TBC1D14: variants seen among roughly 807,000 people sequenced by gnomAD.
TBC1D14 encodes the protein TBC1 domain family member 14, also known as TBC1 domain family, member 14.
Under a neutral mutation model 79.0 loss-of-function variants are expected in TBC1D14, and 26 were observed. The observed-to-expected ratio is 0.33, with a 90% CI of 0.24 to 0.46. The LOEUF is 0.46. Ranked by LOEUF, TBC1D14 falls within the 20% of genes least tolerant of loss-of-function variation. TBC1D14 has a pLI of 1.00. For synonymous variants in TBC1D14, 394 were observed against 349.9 expected (o/e 1.13, Z -1.40); for missense variants, 769 against 887.6 (o/e 0.87, Z 1.70).
chr4:6,926,728 A>G lies in TBC1D14; in HGVS notation c.722+2617A>G, dbSNP rs549145326. On this transcript the variant is annotated intron_variant, in intron 2 of 13. Transcript: ENST00000409757. ...TGTGCCAGAATCTTTAGAGCTCACT[A>G]AACATTTTACAGGTGAGTAAATGGA... is the stretch of plus-strand genomic sequence containing the variant. Among the ~76,000 whole-genome samples, 3 of 152,342 alleles carry G rather than the reference A, an allele frequency of 2.0e-5. No individual in the cohort carries two copies. In the East Asian group the frequency reaches 5.8e-4, roughly 29 times the overall value.
intron 12 of TBC1D14, among the ~76,000 whole-genome samples, chr4:7,018,732 G>A (rs1472646018): frequency 6.6e-6 from 1 of 152,252 alleles, no homozygotes; most frequent in Admixed American, 6.5e-5. Context: ...TGAGGCATGT[G>A]GATCAGAGCA....
In TBC1D14 at chr4:6,999,192, T is replaced by C; in HGVS notation, c.1153T>C (p.Trp385Arg). ...LTWNNEILPN[W>R]ETMWCSRKVR... ...CTGGAATAATGAGATCTTACCTAAC[T>C]GGGAAACAATGTAAGATGTGGCTCT... is the stretch of plus-strand genomic sequence containing the variant. Residue 385 changes from tryptophan (W) to arginine (R), a missense_variant, in exon 6 of 14, where the codon TGG becomes CGG. Physicochemically the swap from Trp to Arg is moderately radical, Grantham distance 101. This residue lies in a region of TBC1D14 where 367 missense variants were observed against 494.4 expected (regional missense o/e 0.74). Transcript: ENST00000409757. The C allele has an allele frequency of 6.2e-7, 1 of 1,613,604 alleles. No homozygotes were observed. The highest frequency in any genetic ancestry group is 8.5e-7 in the Non-Finnish European group (1 of 1,179,578).
chr4:6,939,217 G>T (rs1488520854), intron 2 of TBC1D14, among the ~76,000 whole-genome samples: 1 of 152,160 alleles, frequency 6.6e-6, no homozygotes, highest in Non-Finnish European at 1.5e-5. Flanking sequence ...GAACCTTCTG[G>T]AATCAGCAGT....
chr4:6,977,731 GC>G, intron 3 of TBC1D14, among the ~76,000 whole-genome samples: 1 of 62,638 alleles, frequency 1.6e-5, no homozygotes, highest in Non-Finnish European at 3.6e-5. Context: ...TCTCTGCCAG[GC>G]CGCCATCCCA....
At position 7,031,443 on chromosome 4, in the gene TBC1D14, C is replaced by A. The variant is rs756808966; in HGVS notation, c.*1051C>A. 6.6e-6 allele frequency: 1 copy of A among 152,256 alleles called. No homozygotes were observed. The highest frequency in any genetic ancestry group is 6.5e-5 in the Admixed American group (1 of 15,288). 9.4% of individuals were successfully genotyped at this position (152,256 alleles called of 1,614,324 possible). A position where few individuals can be genotyped will look rare whatever the true frequency, so the allele number is the denominator to read the frequency against. On this transcript the variant is annotated 3_prime_UTR_variant, in exon 14 of 14. Coordinates refer to ENST00000409757, the MANE Select transcript of TBC1D14 (RefSeq NM_020773.3). ...AGACGGAGGAGCGAGCAACACACGT[C>A]TAACAGCCTAGACAATCTCGTCAGA...
chr4:6,938,126 A>T (rs1577061142), intron 2 of TBC1D14, among the ~76,000 whole-genome samples: 1 of 152,142 alleles, frequency 6.6e-6, no homozygotes, highest in African/African-American at 2.4e-5. Context: ...TTGCCGAGAC[A>T]CAGCTTCTTC....
intron 3 of TBC1D14, among the ~76,000 whole-genome samples, chr4:6,973,527 A>G (rs1716441377): frequency 6.6e-6 from 1 of 152,222 alleles, no homozygotes; most frequent in Non-Finnish European, 1.5e-5. Context: ...ATGAATGCAG[A>G]TATAAAACCT....
chr4:7,000,022 C>A (rs889339636), intron 6 of TBC1D14, among the ~76,000 whole-genome samples: 30 of 152,178 alleles, frequency 2.0e-4, no homozygotes, highest in African/African-American at 7.2e-4. Context: ...CTTCTGCTCT[C>A]GTCCCACATG....
intron 5 of TBC1D14, among the ~76,000 whole-genome samples, chr4:6,998,607 C>T (rs927422273): frequency 2.6e-5 from 4 of 151,504 alleles, no homozygotes; most frequent in Admixed American, 1.3e-4. Context: ...GGTGCTATCT[C>T]GGCTCACTGC....
intron 11 of TBC1D14, among the ~76,000 whole-genome samples, chr4:7,013,057 A>G (rs1249998398): frequency 6.6e-6 from 1 of 152,228 alleles, no homozygotes; most frequent in African/African-American, 2.4e-5. Context: ...CTCTTTGGAA[A>G]TGTGGTAGAA....
intron 3 of TBC1D14, among the ~76,000 whole-genome samples, chr4:6,991,556 C>A (rs1452031442): frequency 6.6e-6 from 1 of 152,218 alleles, no homozygotes; most frequent in Non-Finnish European, 1.5e-5. Flanking sequence ...AGGTAGCCTG[C>A]ATCCCTGCTT....
At chr4:6,993,109 A>C (rs1413768374) in intron 3 of TBC1D14, among the ~76,000 whole-genome samples, 2 of 152,240 alleles carry the variant, frequency 1.3e-5, no homozygotes, top group African/African-American at 4.8e-5. Context: ...GTTTCCCTGA[A>C]ATTCATTTAG....
At chr4:6,911,620 C>A (rs1366085177) in intron 1 of TBC1D14, among the ~76,000 whole-genome samples, 1 of 152,242 alleles carries the variant, frequency 6.6e-6, no homozygotes, top group Non-Finnish European at 1.5e-5. Flanking sequence ...TCCGCTGTCT[C>A]CACCCCACTC....
intron 9 of TBC1D14, among the ~76,000 whole-genome samples, chr4:7,008,324 A>T (rs1720414936): frequency 6.6e-6 from 1 of 152,240 alleles, no homozygotes; most frequent in African/African-American, 2.4e-5. Context: ...AACCTTTCTA[A>T]TGAGCAGAGA....
intron 2 of TBC1D14, among the ~76,000 whole-genome samples, chr4:6,957,686 A>G (rs963181790): frequency 6.6e-6 from 1 of 152,192 alleles, no homozygotes; most frequent in Non-Finnish European, 1.5e-5. Flanking sequence ...CCAAGGCGGG[A>G]GCATGGCTTG....
At chr4:7,018,271 G>T (rs1721475029) in intron 12 of TBC1D14, among the ~76,000 whole-genome samples, 1 of 152,234 alleles carries the variant, frequency 6.6e-6, no homozygotes, top group South Asian at 2.1e-4. Context: ...GCCTGAGCAA[G>T]AGAGCCTTCC....
At chr4:7,024,172 G>A (rs1238961677) in intron 12 of TBC1D14, among the ~76,000 whole-genome samples, 1 of 152,172 alleles carries the variant, frequency 6.6e-6, no homozygotes, top group African/African-American at 2.4e-5. Context: ...GGTTTTCTGT[G>A]GAATCGTTAT....
chr4:6,963,220 G>A (rs2109037046), intron 2 of TBC1D14, among the ~76,000 whole-genome samples: 1 of 152,356 alleles, frequency 6.6e-6, no homozygotes, highest in South Asian at 2.1e-4. Flanking sequence ...AGTGAAAAGA[G>A]GAAGCTTGGA....
chr4:6,945,318 T>A (rs1260870715), intron 2 of TBC1D14, among the ~76,000 whole-genome samples: 2 of 152,020 alleles, frequency 1.3e-5, no homozygotes, highest in African/African-American at 4.8e-5. Context: ...ATAGGAGAGT[T>A]TGTGCTGTAA....
Sources: gnomAD v4.1 joint callset for allele counts (sites outside exome capture counted in the v4.1 genomes callset) on GRCh38, gnomAD v4.1.1 for gene constraint, gnomAD v4.1.1 regional missense constraint, MANE v1.5 for transcripts, NCBI Gene and HGNC (gene_info 2026-07-23, HGNC 2026-07-21) for gene names.